PRUNE2: variants seen among roughly 807,000 people sequenced by gnomAD.
PRUNE2 encodes protein prune homolog 2.
In PRUNE2, 164 loss-of-function variants were observed where a neutral mutation model predicts 252.0. That is an observed-to-expected ratio of 0.65 (90% confidence interval 0.57 to 0.74). PRUNE2 has a LOEUF of 0.74. Ranked by LOEUF, PRUNE2 falls within the 30% of genes least tolerant of loss-of-function variation. The probability of loss-of-function intolerance (pLI) is 0.00; values close to 1 mark genes in which losing one functional copy is unlikely to be tolerated. For missense variants in PRUNE2, 3,495 were observed against 3,711.0 expected (o/e 0.94, Z 1.51); for synonymous variants, 1,292 against 1,350.2 (o/e 0.96, Z 0.94).
At chr9:76,699,216 C>G (rs1193555458) in intron 9 of PRUNE2, among the ~76,000 whole-genome samples, 1 of 151,994 alleles carries the variant, frequency 6.6e-6, no homozygotes, top group Non-Finnish European at 1.5e-5. Flanking sequence ...ATCACATTTT[C>G]ATATAATTCA....
In PRUNE2 at chr9:76,708,607, C is replaced by A. The variant is rs765487230; in HGVS notation, c.3667G>T (p.Val1223Phe). 36 of 1,613,820 alleles carry A rather than the reference C, an allele frequency of 2.2e-5. No individual in the cohort carries two copies. The highest frequency in any genetic ancestry group is 1.6e-4 in the Middle Eastern group (1 of 6,084). ...GATGACATGTCTTTATCTCTCATGA[C>A]AGAATCCCAAATACTGTTTGCAATT... ...QLIANSIWDS[V>F]MRDKDMSSFM... Residue 1223 changes from valine (V) to phenylalanine (F), a missense_variant, in exon 8 of 19, where the codon GTC becomes TTC. By Grantham distance (50) the Val-to-Phe change is conservative. Transcript: ENST00000376718.
intron 1 of PRUNE2, among the ~76,000 whole-genome samples, chr9:76,869,883 C>T (rs2061083300): frequency 6.6e-6 from 1 of 152,172 alleles, no homozygotes; most frequent in African/African-American, 2.4e-5. Context: ...CTTGGGTCTC[C>T]AGAGCCCCTC....
At chr9:76,701,550 A>G (rs548457707) in intron 9 of PRUNE2, among the ~76,000 whole-genome samples, 1 of 152,266 alleles carries the variant, frequency 6.6e-6, no homozygotes, top group South Asian at 2.1e-4. Flanking sequence ...AGCTCAATCT[A>G]TAACAATGCC....
rs75761639 is a variant in PRUNE2, at chr9:76,763,429, T to G, written c.757-49708A>C. ...ACAAGCATAGGCGTGCTTCTGGGAG[T>G]GCTCACCCCAAGTCTGAATTAGACG... On this transcript the variant is annotated intron_variant, in intron 6 of 18. Coordinates refer to ENST00000376718, the MANE Select transcript of PRUNE2 (RefSeq NM_015225.3). 8.0e-3 allele frequency among the ~76,000 whole-genome samples: 1,220 copies of G among 152,182 alleles called. 23 individuals are homozygous for G. Among genetic ancestry groups the G allele is most frequent in the East Asian group, 0.079 (407 of 5,162 alleles).
At chr9:76,735,466 C>T (rs1206958067) in intron 6 of PRUNE2, among the ~76,000 whole-genome samples, 3 of 147,498 alleles carry the variant, frequency 2.0e-5, no homozygotes, top group African/African-American at 5.0e-5. Context: ...CAGCTAGCCC[C>T]GTAGTGGCTG....
intron 1 of PRUNE2, among the ~76,000 whole-genome samples, chr9:76,867,622 G>A (rs528118224): frequency 1.3e-5 from 2 of 152,218 alleles, no homozygotes; most frequent in South Asian, 2.1e-4. Context: ...AGGCTGGAGC[G>A]CGGTGGCACA....
chr9:76,708,026 T>C lies in PRUNE2; in HGVS notation c.4248A>G (p.Gln1416=). 2 of 1,613,982 alleles carry C rather than the reference T, an allele frequency of 1.2e-6. No individual in the cohort carries two copies. The highest frequency in any genetic ancestry group is 1.7e-6 in the Non-Finnish European group (2 of 1,179,876). Residue 1416 remains glutamine, a synonymous_variant, in exon 8 of 19, where the codon CAA becomes CAG. Coordinates refer to ENST00000376718, the MANE Select transcript of PRUNE2 (RefSeq NM_015225.3). ...GCAGGTTATCTGCGGACATCCCTGTTTGCACATCACGGGAGTCTAGATTGT... is the reference window on the plus strand; with the variant it reads ...GCAGGTTATCTGCGGACATCCCTGTCTGCACATCACGGGAGTCTAGATTGT... ...GSYNLDSRDV[Q]TGMSADNLQP... is the part of the protein sequence containing the mutation.
intron 9 of PRUNE2, among the ~76,000 whole-genome samples, chr9:76,670,479 G>A (rs1398199299): frequency 6.6e-6 from 1 of 151,506 alleles, no homozygotes; most frequent in South Asian, 2.1e-4. Flanking sequence ...TGGGGGAGGG[G>A]CGCCCACCAT....
intron 9 of PRUNE2, among the ~76,000 whole-genome samples, chr9:76,689,345 C>T (rs7851781): frequency 0.012 from 1,756 of 152,016 alleles, 27 homozygotes; most frequent in African/African-American, 0.039. Context: ...AAAATGTTAA[C>T]GCATGGACTA....
chr9:76,675,097 C>A (rs1392202389), intron 9 of PRUNE2, among the ~76,000 whole-genome samples: 2 of 94,842 alleles, frequency 2.1e-5, no homozygotes, highest in Admixed American at 2.4e-4. Flanking sequence ...TTCTGCACAG[C>A]AAAAGAAACT....
chr9:76,644,661 A>C, intron 12 of PRUNE2, 78 bp downstream of exon 12: 4 of 1,326,036 alleles, frequency 3.0e-6, no homozygotes, highest in Non-Finnish European at 4.4e-6. Flanking sequence ...GTTCCGGAGA[A>C]GTCTAGACTC....
At chr9:76,750,440 A>G (rs1182818095) in intron 6 of PRUNE2, among the ~76,000 whole-genome samples, 1 of 152,100 alleles carries the variant, frequency 6.6e-6, no homozygotes, top group Non-Finnish European at 1.5e-5. Flanking sequence ...TTGGTGTGGG[A>G]AAAAAACACC....
chr9:76,793,878 C>A (rs1213253776), intron 6 of PRUNE2, among the ~76,000 whole-genome samples: 2 of 152,154 alleles, frequency 1.3e-5, no homozygotes, highest in African/African-American at 4.8e-5. Context: ...TTGTTCCATA[C>A]AACATGGTCT....
chr9:76,840,666 A>T (rs1350833527), intron 4 of PRUNE2, among the ~76,000 whole-genome samples: 3 of 152,212 alleles, frequency 2.0e-5, no homozygotes, highest in African/African-American at 7.2e-5. Context: ...GCATTCTTTC[A>T]AGACCTAGAA....
intron 1 of PRUNE2, among the ~76,000 whole-genome samples, chr9:76,870,685 C>CAACAA (rs2061144484): frequency 1.2e-5 from 1 of 82,338 alleles, no homozygotes. Flanking sequence ...GATTCTGTCT[C>CAACAA]AAAAAAAAAA....
At chr9:76,670,656 G>C (rs1454801742) in intron 9 of PRUNE2, among the ~76,000 whole-genome samples, 2 of 152,156 alleles carry the variant, frequency 1.3e-5, no homozygotes, top group African/African-American at 4.8e-5. Context: ...GTCCCTGTCT[G>C]ACAGCTTTGA....
chr9:76,686,731 C>T (rs1468051844), intron 9 of PRUNE2, among the ~76,000 whole-genome samples: 1 of 152,186 alleles, frequency 6.6e-6, no homozygotes, highest in East Asian at 1.9e-4. Flanking sequence ...GATGGGACCA[C>T]AGGTATGTGC....
intron 6 of PRUNE2, among the ~76,000 whole-genome samples, chr9:76,795,866 G>A (rs1422972424): frequency 6.6e-6 from 1 of 152,136 alleles, no homozygotes; most frequent in African/African-American, 2.4e-5. Context: ...TAATATTGAA[G>A]TACTTCTGCC....
At chr9:76,817,821 A>C (rs1187943980) in intron 6 of PRUNE2, 2 of 152,170 alleles carry the variant, frequency 1.3e-5, no homozygotes, top group Non-Finnish European at 2.9e-5. Context: ...GATAATGCTT[A>C]CTCAACTGCC....
Sources: allele counts gnomAD v4.1 joint callset (sites outside exome capture counted in the v4.1 genomes callset), GRCh38; gene constraint gnomAD v4.1.1; transcripts MANE v1.5; gene names NCBI Gene and HGNC (gene_info 2026-07-23, HGNC 2026-07-21).